PIEZO2: variants seen among roughly 807,000 people sequenced by gnomAD.
PIEZO2 encodes piezo-type mechanosensitive ion channel component 2.
PIEZO2 carries 172 observed loss-of-function variants against 337.3 expected under a neutral mutation model. That is an observed-to-expected ratio of 0.51 (90% CI 0.45 to 0.58). The LOEUF (loss-of-function observed/expected upper bound fraction) is 0.58. PIEZO2 is among the 20% of genes least tolerant of loss of function. The probability of loss-of-function intolerance (pLI) is 0.00; values close to 1 mark genes in which losing one functional copy is unlikely to be tolerated. For synonymous variants in PIEZO2, 1,251 were observed against 1,228.5 expected (o/e 1.02, Z -0.38); for missense variants, 3,028 against 3,391.3 (o/e 0.89, Z 2.66).
intron 52 of PIEZO2, among the ~76,000 whole-genome samples, chr18:10,678,475 T>A (rs1352376963): frequency 6.6e-6 from 1 of 152,202 alleles, no homozygotes; most frequent in Non-Finnish European, 1.5e-5. Context: ...AAATTTTAGA[T>A]GCCAGAAAGC....
chr18:10,867,031 A>T (rs2042025176), intron 5 of PIEZO2, among the ~76,000 whole-genome samples: 1 of 152,232 alleles, frequency 6.6e-6, no homozygotes, highest in Non-Finnish European at 1.5e-5. Context: ...TGGCAGTGAC[A>T]GCCTTTAGCA....
In PIEZO2 at chr18:10,724,632, G is replaced by A. The variant is rs538861606; in HGVS notation, c.5030-6373C>T. The A allele has an allele frequency of 1.2e-5, 8 of 694,862 alleles. No individual in the cohort carries two copies. Among genetic ancestry groups the A allele is most frequent in the East Asian group, 2.6e-5 (1 of 39,040 alleles). 43.0% of individuals were successfully genotyped at this position (694,862 alleles called of 1,614,324 possible). ...CCCAAGACAGAATGGTGCTGGACTC[G>A]GGGTCTCAGGCGTATGATCAGGCAC... is the stretch of plus-strand genomic sequence containing the variant. On this transcript the variant is annotated intron_variant, in intron 36 of 55. Coordinates refer to ENST00000674853, the MANE Select transcript of PIEZO2 (RefSeq NM_001378183.1). This position sits in a 1 kb window ranked among gnomAD's most constrained non-coding sequence, Gnocchi z 5.8.
At chr18:10,967,857 T>G (rs562190919) in intron 3 of PIEZO2, among the ~76,000 whole-genome samples, 1 of 152,318 alleles carries the variant, frequency 6.6e-6, no homozygotes, top group Admixed American at 6.5e-5. Flanking sequence ...GTCAGATGTG[T>G]AGATTGTGGA....
In PIEZO2 at chr18:11,032,793, C is replaced by T. The variant is rs1469699999; in HGVS notation, c.160+33334G>A. Among the ~76,000 whole-genome samples the T allele has an allele frequency of 2.0e-5, 3 of 152,174 alleles. No individual in the cohort carries two copies. In the East Asian group the frequency reaches 5.8e-4, roughly 29 times the overall value. ...GTTTCCCAACAACTGCCCTTAAAAG[C>T]TTTTGAAGTCAGATCGATAAGAACT... On this transcript the variant is annotated intron_variant, in intron 2 of 55. Coordinates refer to ENST00000674853, the MANE Select transcript of PIEZO2 (RefSeq NM_001378183.1). The surrounding 1 kb of genome is among the most constrained non-coding windows in gnomAD (Gnocchi z 4.9).
At chr18:10,683,330 G>T (rs1228205786) in intron 49 of PIEZO2, among the ~76,000 whole-genome samples, 2 of 152,260 alleles carry the variant, frequency 1.3e-5, no homozygotes, top group Non-Finnish European at 2.9e-5. Context: ...AAGTGCCAAA[G>T]ATGGTGCCGG....
At chr18:10,941,876 CAT>C (rs1258699156) in intron 3 of PIEZO2, among the ~76,000 whole-genome samples, 1 of 152,220 alleles carries the variant, frequency 6.6e-6, no homozygotes, top group Non-Finnish European at 1.5e-5. Context: ...ATAATTCCCA[CAT>C]GTTGTGGGAG....
intron 4 of PIEZO2, among the ~76,000 whole-genome samples, chr18:10,897,587 G>A (rs2042936174): frequency 6.6e-6 from 1 of 152,194 alleles, no homozygotes; most frequent in Non-Finnish European, 1.5e-5. Flanking sequence ...TCTGCCATGA[G>A]TGTGGGGCCT....
At chr18:10,692,003 A>G (rs1468776498) in intron 47 of PIEZO2, among the ~76,000 whole-genome samples, 1 of 151,826 alleles carries the variant, frequency 6.6e-6, no homozygotes, top group African/African-American at 2.4e-5. Context: ...CAGTGTCTTT[A>G]TTTGATAATT....
chr18:11,068,349 CA>C (rs1373464770), intron 1 of PIEZO2, among the ~76,000 whole-genome samples: 1 of 151,968 alleles, frequency 6.6e-6, no homozygotes, highest in Non-Finnish European at 1.5e-5. Context: ...CACAATGGTA[CA>C]AAACTAGAAA....
rs62093958 is a variant in PIEZO2 at position 10,682,769 on chromosome 18, G to T, written c.7498-477C>A. On this transcript the variant is annotated intron_variant, in intron 49 of 55. Transcript: ENST00000674853. The surrounding 1 kb of genome is among the most constrained non-coding windows in gnomAD (Gnocchi z 5.6). Reference sequence around the variant, plus strand: ...TGATTTTTAATTTAATTCATGACACGTGTTGTTAAAGACAATGTTGTTCGA... The same window carrying T: ...TGATTTTTAATTTAATTCATGACACTTGTTGTTAAAGACAATGTTGTTCGA... Among the ~76,000 whole-genome samples the T allele has an allele frequency of 2.9e-5, 2 of 68,728 alleles. No homozygotes were observed. The highest frequency in any genetic ancestry group is 6.1e-4 in the South Asian group (1 of 1,628). 45.1% of individuals were successfully genotyped at this position (68,728 alleles called of 152,430 possible). A position where few individuals can be genotyped will look rare whatever the true frequency, so the allele number is the denominator to read the frequency against.
At chr18:10,996,826 T>C (rs1047759957) in intron 2 of PIEZO2, among the ~76,000 whole-genome samples, 1 of 152,216 alleles carries the variant, frequency 6.6e-6, no homozygotes, top group Non-Finnish European at 1.5e-5. Context: ...GTACATACTT[T>C]ATATATCCAG....
chr18:10,824,733 C>A lies in PIEZO2; in HGVS notation c.918-17459G>T, dbSNP rs1436221075. ...ACATACTACAGAGAATTCTCTATAC[C>A]CATTTTCCTCGACTGTTAAATCTTA... On this transcript the variant is annotated intron_variant, in intron 7 of 55. Transcript: ENST00000674853. This position sits in a 1 kb window ranked among gnomAD's most constrained non-coding sequence, Gnocchi z 4.4. 2.6e-5 allele frequency among the ~76,000 whole-genome samples: 4 copies of A among 151,966 alleles called. No homozygotes were observed. Among genetic ancestry groups the A allele is most frequent in the African/African-American group, 7.3e-5 (3 of 41,376 alleles).
chr18:10,710,272 A>AC (rs1391515358), intron 39 of PIEZO2, among the ~76,000 whole-genome samples: 3 of 152,194 alleles, frequency 2.0e-5, no homozygotes, highest in Admixed American at 6.5e-5. Context: ...GGCAACTAAT[A>AC]CATCACACAA....
chr18:10,945,954 C>G lies in PIEZO2; in HGVS notation c.286+33581G>C, dbSNP rs972404216. Among the ~76,000 whole-genome samples the G allele has an allele frequency of 6.6e-6, 1 of 152,070 alleles. No individual in the cohort carries two copies. Among genetic ancestry groups the G allele is most frequent in the Non-Finnish European group, 1.5e-5 (1 of 68,000 alleles). On this transcript the variant is annotated intron_variant, in intron 3 of 55. Transcript: ENST00000674853. The surrounding 1 kb of genome is among the most constrained non-coding windows in gnomAD (Gnocchi z 4.0). The stretch of plus-strand genomic sequence containing the variant: ...GAATGTGAGGATACAGCATCAGAAA[C>G]TAACCAAAATGAAACACAGGAAAAA...
At position 10,775,227 on chromosome 18, in the gene PIEZO2, G is replaced by C. The variant is rs183329755; in HGVS notation, c.2535-1189C>G. Among the ~76,000 whole-genome samples, 46 of 152,110 alleles carry C rather than the reference G, an allele frequency of 3.0e-4. No individual in the cohort carries two copies. The highest frequency in any genetic ancestry group is 1.4e-3 in the Admixed American group (21 of 15,272). On this transcript the variant is annotated intron_variant, in intron 18 of 55. Transcript: ENST00000674853. The surrounding 1 kb of genome is among the most constrained non-coding windows in gnomAD (Gnocchi z 4.3). ...CCTAAGCTAGTCAATTCATCCTCTC[G>C]ACTTTGGAGAAGTTAGCTACTCTTA... is the stretch of plus-strand genomic sequence containing the variant.
At chr18:11,042,773 C>T (rs567082222) in intron 2 of PIEZO2, among the ~76,000 whole-genome samples, 1 of 152,162 alleles carries the variant, frequency 6.6e-6, no homozygotes, top group East Asian at 1.9e-4. Context: ...AAAAGAAATG[C>T]CAGAAATAAA....
At chr18:11,103,412 T>G (rs2039474654) in intron 1 of PIEZO2, among the ~76,000 whole-genome samples, 1 of 152,204 alleles carries the variant, frequency 6.6e-6, no homozygotes, top group Non-Finnish European at 1.5e-5. Flanking sequence ...CATTCACTCA[T>G]AATCCATCCA....
chr18:11,097,487 G>T lies in PIEZO2; in HGVS notation c.65-31265C>A, dbSNP rs1195353654. ...GAGTCCAGAGTTTACTACAGAGAAA[G>T]CCCTGAACTGGGGAGCCCTCTGACC... On this transcript the variant is annotated intron_variant, in intron 1 of 55. Transcript: ENST00000674853. This position sits in a 1 kb window ranked among gnomAD's most constrained non-coding sequence, Gnocchi z 5.0. Among the ~76,000 whole-genome samples the T allele has an allele frequency of 6.6e-6, 1 of 152,186 alleles. No individual in the cohort carries two copies. Among genetic ancestry groups the T allele is most frequent in the African/African-American group, 2.4e-5 (1 of 41,450 alleles).
intron 49 of PIEZO2, among the ~76,000 whole-genome samples, chr18:10,684,341 A>AT (rs1439010495): frequency 7.8e-6 from 1 of 127,622 alleles, no homozygotes; most frequent in Non-Finnish European, 1.7e-5. Context: ...AATTTTTTGT[A>AT]TTTTTAGTAG....
Sources: gnomAD v4.1 joint callset for allele counts (sites outside exome capture counted in the v4.1 genomes callset) on GRCh38, gnomAD v4.1.1 for gene constraint, Gnocchi (gnomAD v3.1) non-coding constraint, MANE v1.5 for transcripts, NCBI Gene and HGNC (gene_info 2026-07-23, HGNC 2026-07-21) for gene names.